DLGAP2: variants seen among roughly 807,000 people sequenced by gnomAD.
DLGAP2 encodes the protein DLG associated protein 2.
Under a neutral mutation model 100.3 loss-of-function variants are expected in DLGAP2, and 26 were observed. The ratio of observed to expected loss-of-function variants is 0.26; its 90% CI spans 0.19 to 0.36. The LOEUF (loss-of-function observed/expected upper bound fraction) is 0.36. Among genes scored for constraint, DLGAP2 ranks in the 10% least tolerant of loss-of-function variants. The pLI is 1.00. For missense variants in DLGAP2, 1,858 were observed against 1,453.2 expected (o/e 1.28, Z -4.53); for synonymous variants, 886 against 630.1 (o/e 1.41, Z -6.08).
At chr8:1,198,446 C>T (rs1307559614) in intron 2 of DLGAP2, among the ~76,000 whole-genome samples, 1 of 152,078 alleles carries the variant, frequency 6.6e-6, no homozygotes, top group Non-Finnish European at 1.5e-5. Context: ...GTGGCAGCTG[C>T]CTCCCACCCA....
chr8:1,019,981 T>G (rs968084292), intron 2 of DLGAP2, among the ~76,000 whole-genome samples: 4 of 152,238 alleles, frequency 2.6e-5, no homozygotes, highest in Admixed American at 6.5e-5. Flanking sequence ...TTGTGAACTT[T>G]GGTTCAGTAT....
At chr8:1,575,482 A>ATTATTATTATTATTATTATTATT (rs1445389793) in intron 6 of DLGAP2, among the ~76,000 whole-genome samples, 1 of 149,120 alleles carries the variant, frequency 6.7e-6, no homozygotes. Flanking sequence ...TATTATTATT[A>ATTATTATTATTATTATTATTATT]TTATTATTTA....
chr8:1,103,157 C>T (rs910047337), intron 2 of DLGAP2, among the ~76,000 whole-genome samples: 6 of 152,006 alleles, frequency 3.9e-5, no homozygotes, highest in Non-Finnish European at 4.4e-5. Flanking sequence ...AAGAAGGGAA[C>T]GGAGGTGGCC....
intron 8 of DLGAP2, among the ~76,000 whole-genome samples, chr8:1,659,383 G>C (rs1215651683): frequency 6.6e-6 from 1 of 152,144 alleles, no homozygotes; most frequent in Admixed American, 6.5e-5. Flanking sequence ...CTGAGTTCAA[G>C]TCCTGAATAT....
chr8:800,076 T>G (rs928025211), intron 1 of DLGAP2, among the ~76,000 whole-genome samples: 1 of 152,066 alleles, frequency 6.6e-6, no homozygotes, highest in Non-Finnish European at 1.5e-5. Flanking sequence ...GCCCACATTC[T>G]GAAGAAAGCC....
intron 3 of DLGAP2, among the ~76,000 whole-genome samples, chr8:1,489,694 A>T (rs1799322622): frequency 6.6e-6 from 1 of 152,252 alleles, no homozygotes; most frequent in Admixed American, 6.5e-5. Context: ...CGCTGTGAGC[A>T]TCTTGGTTAA....
chr8:1,360,795 C>G (rs994458815), intron 3 of DLGAP2, among the ~76,000 whole-genome samples: 1 of 152,144 alleles, frequency 6.6e-6, no homozygotes, highest in Non-Finnish European at 1.5e-5. Flanking sequence ...CACGGTTGCC[C>G]AGAGGCACGA....
At chr8:785,963 G>A (rs1051850654) in intron 1 of DLGAP2, among the ~76,000 whole-genome samples, 21 of 152,328 alleles carry the variant, frequency 1.4e-4, no homozygotes, top group African/African-American at 4.6e-4. Flanking sequence ...AGCACCAGGC[G>A]ATATCACGTA....
chr8:1,636,632 T>C (rs1797773878), intron 8 of DLGAP2, among the ~76,000 whole-genome samples: 1 of 152,246 alleles, frequency 6.6e-6, no homozygotes, highest in Non-Finnish European at 1.5e-5. Context: ...GACAGTGTTT[T>C]ACTTAATTTT....
intron 1 of DLGAP2, among the ~76,000 whole-genome samples, chr8:764,138 A>G (rs1248138243): frequency 6.6e-6 from 1 of 152,204 alleles, no homozygotes; most frequent in Admixed American, 6.5e-5. Flanking sequence ...AAGGCATGAC[A>G]TGCTGTCTGA....
At chr8:1,201,777 C>T (rs917757082) in intron 2 of DLGAP2, among the ~76,000 whole-genome samples, 2 of 152,198 alleles carry the variant, frequency 1.3e-5, no homozygotes, top group Non-Finnish European at 1.5e-5. Context: ...CACCAGGCAG[C>T]ATCCGCAGAC....
chr8:1,563,651 G>T (rs1490180038), intron 5 of DLGAP2, among the ~76,000 whole-genome samples: 1 of 152,106 alleles, frequency 6.6e-6, no homozygotes, highest in African/African-American at 2.4e-5. Flanking sequence ...GGAAGTCCAG[G>T]ATATGTGAGT....
intron 2 of DLGAP2, among the ~76,000 whole-genome samples, chr8:1,225,089 C>T (rs1798387793): frequency 6.6e-6 from 1 of 152,192 alleles, no homozygotes; most frequent in Non-Finnish European, 1.5e-5. Context: ...TGCCTGTGTG[C>T]CCAAAAGAGC....
chr8:1,693,493 T>C (rs1195787529), intron 13 of DLGAP2, among the ~76,000 whole-genome samples: 1 of 152,178 alleles, frequency 6.6e-6, no homozygotes, highest in East Asian at 1.9e-4. Flanking sequence ...ATCGATTTCT[T>C]TTCAGACCAA....
At chr8:1,041,188 A>T (rs1452741551) in intron 2 of DLGAP2, among the ~76,000 whole-genome samples, 1 of 152,174 alleles carries the variant, frequency 6.6e-6, no homozygotes, top group Non-Finnish European at 1.5e-5. Context: ...AATTTTGGGA[A>T]ATAAGTCCCC....
intron 1 of DLGAP2, among the ~76,000 whole-genome samples, chr8:794,314 A>G (rs1319232556): frequency 6.6e-6 from 1 of 152,086 alleles, no homozygotes; most frequent in Non-Finnish European, 1.5e-5. Context: ...GTGGTGCTAG[A>G]GGAATTAAAG....
At chr8:1,624,197 G>A (rs34730081) in intron 6 of DLGAP2, among the ~76,000 whole-genome samples, 11 of 152,174 alleles carry the variant, frequency 7.2e-5, no homozygotes, top group Admixed American at 3.9e-4. Flanking sequence ...CAGAAGGAAC[G>A]GCTGTTGTAT....
At chr8:1,428,059 C>T (rs920814093) in intron 3 of DLGAP2, among the ~76,000 whole-genome samples, 1 of 151,578 alleles carries the variant, frequency 6.6e-6, no homozygotes, top group Non-Finnish European at 1.5e-5. Flanking sequence ...AAATAAATGA[C>T]TTACATAGCA....
At chr8:1,548,481 A>C (rs552400950) in intron 4 of DLGAP2, 145 bp from the exon 5 acceptor site, 8 of 559,300 alleles carry the variant, frequency 1.4e-5, no homozygotes, top group African/African-American at 1.4e-4. Context: ...AAAAAAAAAA[A>C]AAACCCACAA....
Sources: gnomAD v4.1 joint callset for allele counts (sites outside exome capture counted in the v4.1 genomes callset) on GRCh38, gnomAD v4.1.1 for gene constraint, MANE v1.5 for transcripts, NCBI Gene and HGNC (gene_info 2026-07-23, HGNC 2026-07-21) for gene names.